Variants in EPHA3 observed in about 807,000 individuals in gnomAD.
EPHA3 encodes EPH receptor A3.
A neutral mutation model predicts 107.1 loss-of-function variants in EPHA3; 42 were observed. The observed-to-expected ratio is 0.39, with a 90% CI of 0.31 to 0.51. The LOEUF is 0.51. EPHA3 is among the 20% of genes least tolerant of loss of function. EPHA3 has a pLI of 0.78. For missense variants in EPHA3, 1,183 were observed against 1,211.2 expected, an observed-to-expected ratio of 0.98 and a Z score of 0.35; for synonymous variants, 461 against 424.8, an observed-to-expected ratio of 1.09 and a Z score of -1.05.
intron 3 of EPHA3, among the ~76,000 whole-genome samples, chr3:89,225,293 T>C (rs1470268519): frequency 2.0e-5 from 3 of 152,182 alleles, no homozygotes; most frequent in Admixed American, 6.6e-5. Context: ...AGTGAAAATA[T>C]TCTATGAATC....
intron 2 of EPHA3, among the ~76,000 whole-genome samples, chr3:89,205,767 C>A (rs1266509309): frequency 6.6e-6 from 1 of 151,744 alleles, no homozygotes; most frequent in Admixed American, 6.6e-5. Context: ...AGATGCTTTT[C>A]ACCACCAAAT....
chr3:89,419,427 G>A (rs777721702), intron 11 of EPHA3, 37 bp downstream of exon 11: 6 of 1,505,894 alleles, frequency 4.0e-6, no homozygotes, highest in African/African-American at 1.4e-5. Flanking sequence ...GTTTCCGTAT[G>A]TTGAGCAAAG....
At chr3:89,135,508 A>C (rs1306605179) in intron 2 of EPHA3, among the ~76,000 whole-genome samples, 1 of 152,068 alleles carries the variant, frequency 6.6e-6, no homozygotes, top group African/African-American at 2.4e-5. Flanking sequence ...GCTAACAACG[A>C]TTTTTGTTTT....
chr3:89,445,432 A>G (rs1260004418), intron 13 of EPHA3, among the ~76,000 whole-genome samples: 1 of 152,210 alleles, frequency 6.6e-6, no homozygotes, highest in Non-Finnish European at 1.5e-5. Context: ...ACTTCTAAGT[A>G]TATAAGCTCA....
chr3:89,455,051 T>C (rs1175856846), intron 15 of EPHA3, among the ~76,000 whole-genome samples: 1 of 152,190 alleles, frequency 6.6e-6, no homozygotes, highest in East Asian at 1.9e-4. Context: ...GCTTCTCCAA[T>C]GTTATTATCT....
At position 89,113,595 on chromosome 3, in the gene EPHA3, A is replaced by G. The variant is rs76714026; in HGVS notation, c.88+5759A>G. Among the ~76,000 whole-genome samples, 1,849 of 151,846 alleles carry G rather than the reference A, an allele frequency of 0.012. 42 individuals carry two copies. The East Asian group carries it at 0.13, about 10-fold the overall frequency. On this transcript the variant is annotated intron_variant, in intron 1 of 16. Transcript: ENST00000336596. The stretch of plus-strand genomic sequence containing the variant: ...AAAAAGTTGATTAGAAAACTGGAGA[A>G]GTAGAGAAAAGCAAAGGTTTTAAAG...
intron 5 of EPHA3, among the ~76,000 whole-genome samples, chr3:89,353,247 T>C (rs1471113599): frequency 6.6e-6 from 1 of 151,252 alleles, no homozygotes; most frequent in Non-Finnish European, 1.5e-5. Flanking sequence ...TGGAAGTAAA[T>C]TAAACACCAA....
chr3:89,299,877 G>A (rs537056869), intron 3 of EPHA3, among the ~76,000 whole-genome samples: 119 of 152,082 alleles, frequency 7.8e-4, no homozygotes, highest in African/African-American at 2.6e-3. Flanking sequence ...CGTAAGTAAC[G>A]ACTACTCTCA....
intron 13 of EPHA3, among the ~76,000 whole-genome samples, chr3:89,444,813 T>C (rs1709850163): frequency 6.6e-6 from 1 of 152,146 alleles, no homozygotes; most frequent in Non-Finnish European, 1.5e-5. Context: ...ATTTACAATA[T>C]GGTTAGATAG....
chr3:89,417,654 TTTCTCAAG>T (rs1377366337), intron 10 of EPHA3, among the ~76,000 whole-genome samples: 1 of 151,358 alleles, frequency 6.6e-6, no homozygotes, highest in Non-Finnish European at 1.5e-5. Flanking sequence ...ATCAATGAAC[TTTCTCAAG>T]TTCTACTCCC....
At chr3:89,452,072 T>C (rs924902050) in intron 15 of EPHA3, among the ~76,000 whole-genome samples, 1 of 152,268 alleles carries the variant, frequency 6.6e-6, no homozygotes, top group South Asian at 2.1e-4. Context: ...AATAGCAAAA[T>C]TTTAACATAT....
chr3:89,430,018 C>T (rs1709536124), intron 12 of EPHA3, among the ~76,000 whole-genome samples: 1 of 152,138 alleles, frequency 6.6e-6, no homozygotes, highest in Non-Finnish European at 1.5e-5. Context: ...CCCTCCTCAG[C>T]CTCCCAAATT....
chr3:89,147,929 A>G (rs1704602601), intron 2 of EPHA3, among the ~76,000 whole-genome samples: 1 of 151,962 alleles, frequency 6.6e-6, no homozygotes, highest in African/African-American at 2.4e-5. Context: ...AAAAGTCTGT[A>G]TGTTTTGCCT....
rs138259046 is a variant in EPHA3, at chr3:89,327,350, G to C, written c.815-13566G>C. On this transcript the variant is annotated intron_variant, in intron 3 of 16. Transcript: ENST00000336596. Reference sequence around the variant, plus strand: ...AGATGATGAAATGTTAAGGCAGTTAGAAATGACTGCTAGAATATGAGTTCA... The same window carrying C: ...AGATGATGAAATGTTAAGGCAGTTACAAATGACTGCTAGAATATGAGTTCA... Among the ~76,000 whole-genome samples, 597 of 152,214 alleles carry C rather than the reference G, an allele frequency of 3.9e-3. 1 individual carries two copies. The highest frequency in any genetic ancestry group is 6.1e-3 in the Non-Finnish European group (415 of 68,014).
chr3:89,157,091 G>T (rs1489913433), intron 2 of EPHA3, among the ~76,000 whole-genome samples: 3 of 151,918 alleles, frequency 2.0e-5, no homozygotes, highest in African/African-American at 7.3e-5. Context: ...TGACAGTTCT[G>T]GTTTGCAGAT....
At chr3:89,399,858 A>G in intron 7 of EPHA3, 1 of 1,078,488 alleles carries the variant, frequency 9.3e-7, no homozygotes, top group East Asian at 4.9e-5. Flanking sequence ...AAACTTGCTG[A>G]TCCATGAGAA....
At chr3:89,352,324 G>C (rs1219100794) in intron 5 of EPHA3, among the ~76,000 whole-genome samples, 1 of 151,014 alleles carries the variant, frequency 6.6e-6, no homozygotes, top group Non-Finnish European at 1.5e-5. Flanking sequence ...AATTATTTTT[G>C]TTTTTAATTT....
rs113307636 is a variant in EPHA3 at position 89,144,434 on chromosome 3, G to T, written c.153+17161G>T. 9.7e-4 allele frequency among the ~76,000 whole-genome samples: 147 copies of T among 151,804 alleles called. 1 individual carries two copies. In the Middle Eastern group the frequency reaches 0.01, roughly 11 times the overall value. ...CATTTTGAATTCTGAGTTTACAAAA[G>T]AAGCCTCTGTCCTTGTGTGCCTTCC... On this transcript the variant is annotated intron_variant, in intron 2 of 16. Transcript: ENST00000336596.
In EPHA3 at chr3:89,358,853, C is replaced by T. The variant is rs1488194869; in HGVS notation, c.1306+16763C>T. Among the ~76,000 whole-genome samples the T allele has an allele frequency of 1.2e-4, 18 of 151,206 alleles. 2 individuals carry two copies. Among genetic ancestry groups the T allele is most frequent in the East Asian group, 3.9e-4 (2 of 5,150 alleles). ...AAATGCTTTAAGTTATGTACAAATT[C>T]GATGATAATTGCATGTGTATTTTAA... On this transcript the variant is annotated intron_variant, in intron 5 of 16. Transcript: ENST00000336596.
Sources: allele counts gnomAD v4.1 joint callset (sites outside exome capture counted in the v4.1 genomes callset), GRCh38; gene constraint gnomAD v4.1.1; transcripts MANE v1.5; gene names NCBI Gene and HGNC (gene_info 2026-07-23, HGNC 2026-07-21).